Variants in FAM50B observed in about 807,000 individuals in gnomAD.
The protein encoded by FAM50B is protein FAM50B.
A neutral mutation model predicts 25.4 loss-of-function variants in FAM50B; 9 were observed. The observed-to-expected ratio is 0.35, with a 90% CI of 0.21 to 0.62. The LOEUF is 0.62. Among genes scored for constraint, FAM50B ranks in the 20% least tolerant of loss-of-function variants. FAM50B has a pLI of 0.73. For missense variants in FAM50B, 372 were observed against 477.9 expected (o/e 0.78, Z 2.07); for synonymous variants, 212 against 204.3 (o/e 1.04, Z -0.32).
upstream of FAM50B, among the ~76,000 whole-genome samples, chr6:3,847,313 A>G (rs1420155800): frequency 6.6e-6 from 1 of 152,252 alleles, no homozygotes; most frequent in African/African-American, 2.4e-5. Flanking sequence ...TGTTTAGGGT[A>G]GCCTCCGTCA....
the FAM50B span, among the ~76,000 whole-genome samples, chr6:3,842,437 G>A: frequency 6.6e-6 from 1 of 152,182 alleles, no homozygotes; most frequent in African/African-American, 2.4e-5. Flanking sequence ...GTGGGAGGGG[G>A]ACATTCCTGA....
rs1762211998 is a variant in FAM50B, at chr6:3,850,853, A to T, written c.*64A>T. On this transcript the variant is annotated 3_prime_UTR_variant, in exon 2 of 2. Coordinates refer to ENST00000648326, the MANE Select transcript of FAM50B (RefSeq NM_012135.3). ...ACACTCATTTCTAGGCCCCATCACC[A>T]GTCACTTGATTTCGTGACCTTGATT... is the stretch of plus-strand genomic sequence containing the variant. 1 of 1,560,136 alleles carries T rather than the reference A, an allele frequency of 6.4e-7. No homozygotes were observed. Among genetic ancestry groups the T allele is most frequent in the Non-Finnish European group, 8.7e-7 (1 of 1,154,038 alleles).
the FAM50B span, among the ~76,000 whole-genome samples, chr6:3,843,092 C>T: frequency 6.6e-6 from 1 of 152,196 alleles, no homozygotes; most frequent in Non-Finnish European, 1.5e-5. Flanking sequence ...TCCTATCTGG[C>T]TTAGAAATTG....
At chr6:3,844,642 C>T (rs1340075720), upstream of FAM50B, among the ~76,000 whole-genome samples, 1 of 151,894 alleles carries the variant, frequency 6.6e-6, no homozygotes, top group East Asian at 1.9e-4. Context: ...ACCCAGCCGG[C>T]GGAGGTTGCA....
At chr6:3,842,012 T>G in the FAM50B span, among the ~76,000 whole-genome samples, 2 of 152,244 alleles carry the variant, frequency 1.3e-5, no homozygotes, top group Non-Finnish European at 2.9e-5. Context: ...GAGCAGCAGC[T>G]GCTGCCCCAG....
the FAM50B span, among the ~76,000 whole-genome samples, chr6:3,840,711 G>T: frequency 6.6e-6 from 1 of 152,164 alleles, no homozygotes; most frequent in Non-Finnish European, 1.5e-5. Context: ...GGGTCAACTG[G>T]AATAAATAAC....
upstream of FAM50B, among the ~76,000 whole-genome samples, chr6:3,847,402 G>A (rs1173086176): frequency 6.6e-6 from 1 of 152,228 alleles, no homozygotes; most frequent in East Asian, 1.9e-4. Context: ...TGCACTTTAT[G>A]TTATAGAGGT....
chr6:3,846,153 A>G (rs1296253153), upstream of FAM50B, among the ~76,000 whole-genome samples: 1 of 152,130 alleles, frequency 6.6e-6, no homozygotes, highest in African/African-American at 2.4e-5. Flanking sequence ...GAGTTTTTCA[A>G]GTAGGAGAGT....
In FAM50B at chr6:3,849,924, A is replaced by G. The variant is rs1260400690; in HGVS notation, c.113A>G (p.Glu38Gly). Reference protein sequence around the residue: ...MEVLKQRIAEETILKSQVDKR... With the variant: ...MEVLKQRIAEGTILKSQVDKR... The stretch of plus-strand genomic sequence containing the variant: ...GTGCTGAAGCAGCGCATCGCCGAGG[A>G]GACCATCCTCAAGTCGCAGGTGGAC... Residue 38 changes from glutamate to glycine, a missense_variant, in exon 2 of 2, where the codon GAG (glutamate) becomes GGG (glycine). This residue lies in a region of FAM50B where 64 missense variants were observed against 118.3 expected (regional missense o/e 0.54). Transcript: ENST00000648326. The G allele has an allele frequency of 6.2e-7, 1 of 1,613,700 alleles. No individual in the cohort carries two copies. Among genetic ancestry groups the G allele is most frequent in the Non-Finnish European group, 8.5e-7 (1 of 1,179,958 alleles).
At chr6:3,848,576 G>A (rs1000575638), upstream of FAM50B, among the ~76,000 whole-genome samples, 2 of 151,750 alleles carry the variant, frequency 1.3e-5, no homozygotes, top group African/African-American at 2.4e-5. Context: ...CTGAACCGCA[G>A]TATGTATTTC....
chr6:3,840,244 G>A, the FAM50B span, among the ~76,000 whole-genome samples: 2 of 151,948 alleles, frequency 1.3e-5, no homozygotes, highest in Admixed American at 1.3e-4. Context: ...CCGCCCGCCT[G>A]GGCCTCCCAA....
At chr6:3,835,774 CT>C in the FAM50B span, among the ~76,000 whole-genome samples, 1 of 152,342 alleles carries the variant, frequency 6.6e-6, no homozygotes, top group African/African-American at 2.4e-5. Context: ...GTAACTTCCT[CT>C]AAGCCTATAA....
upstream of FAM50B, among the ~76,000 whole-genome samples, chr6:3,848,285 G>A (rs974735469): frequency 2.0e-5 from 3 of 152,230 alleles, no homozygotes; most frequent in Admixed American, 6.5e-5. Flanking sequence ...GGGCAACAAT[G>A]AGAAGGCTTT....
chr6:3,833,437 G>T, the FAM50B span, among the ~76,000 whole-genome samples: 6 of 152,150 alleles, frequency 3.9e-5, no homozygotes, highest in Admixed American at 3.3e-4. Context: ...TGTGTGTGTG[G>T]TGAGCATTTG....
Position 3,849,810 on chromosome 6 carries a change from C to T in FAM50B, c.-2C>T. The T allele has an allele frequency of 3.1e-6, 5 of 1,600,864 alleles. No homozygotes were observed. Among genetic ancestry groups the T allele is most frequent in the Non-Finnish European group, 4.3e-6 (5 of 1,172,196 alleles). On this transcript the variant is annotated 5_prime_UTR_variant, in exon 2 of 2. Coordinates refer to ENST00000648326, the MANE Select transcript of FAM50B (RefSeq NM_012135.3). The stretch of plus-strand genomic sequence containing the variant: ...GCAGAGCCCATCGGGTAGGCGCGGG[C>T]CATGGCGCAGTACAAGGGCACCATG...
rs1199698121 is a variant in FAM50B at position 3,850,454 on chromosome 6, AAGGCGCTGC to A, written c.647_655del (p.Ala216_Gln218del). 1 of 1,613,522 alleles carries A rather than the reference AAGGCGCTGC, an allele frequency of 6.2e-7. No individual in the cohort carries two copies. The highest frequency in any genetic ancestry group is 2.2e-5 in the East Asian group (1 of 44,848). ...CAACACGGTGCAGCAGTTCCTGAAG[AAGGCGCTGC>A]AGGGGCTGCGCAAGGACTTCCTGGA... On this transcript the variant is annotated inframe_deletion, in exon 2 of 2. Transcript: ENST00000648326.
upstream of FAM50B, among the ~76,000 whole-genome samples, chr6:3,845,967 C>T (rs188473693): frequency 2.2e-4 from 33 of 152,122 alleles, no homozygotes; most frequent in East Asian, 5.8e-4. Context: ...GTGATCCACC[C>T]GCCTCGGCCT....
chr6:3,849,143 G>T (rs1014853911), upstream of FAM50B, among the ~76,000 whole-genome samples: 25 of 152,308 alleles, frequency 1.6e-4, no homozygotes, highest in Admixed American at 9.8e-4. Context: ...GAAAACAGGA[G>T]CCCCGGCCAG....
the FAM50B span, among the ~76,000 whole-genome samples, chr6:3,838,858 A>AAC: frequency 1.3e-5 from 2 of 150,572 alleles, no homozygotes; most frequent in African/African-American, 4.9e-5. Context: ...AAAAAAAAAA[A>AAC]AACACACACA....
Sources: allele counts gnomAD v4.1 joint callset (sites outside exome capture counted in the v4.1 genomes callset), GRCh38; gene constraint gnomAD v4.1.1; regional missense constraint gnomAD v4.1.1; transcripts MANE v1.5; gene names NCBI Gene and HGNC (gene_info 2026-07-23, HGNC 2026-07-21).